The following RORA variants were observed in gnomAD, a reference collection of about 807,000 sequenced individuals.
RORA encodes the protein RAR related orphan receptor A.
RORA carries 7 observed loss-of-function variants against 69.5 expected under a neutral mutation model. The ratio of observed to expected loss-of-function variants is 0.10; its 90% CI spans 0.06 to 0.19. The LOEUF (loss-of-function observed/expected upper bound fraction) is 0.19, where lower values mean the gene tolerates loss of function less well. RORA is among the 10% of genes least tolerant of loss of function. The pLI is 1.00. For synonymous variants in RORA, 261 were observed against 240.8 expected (o/e 1.08, Z -0.78); for missense variants, 457 against 663.0 (o/e 0.69, Z 3.41).
At chr15:60,628,454 C>A (rs1223893965) in intron 2 of RORA, among the ~76,000 whole-genome samples, 1 of 152,204 alleles carries the variant, frequency 6.6e-6, no homozygotes, top group Non-Finnish European at 1.5e-5. Context: ...CTGCCTCAAA[C>A]TCCTGGGCTC....
chr15:60,544,191 A>C (rs565114419), intron 2 of RORA, among the ~76,000 whole-genome samples: 14 of 152,300 alleles, frequency 9.2e-5, no homozygotes, highest in African/African-American at 3.1e-4. Flanking sequence ...TGCACTACAT[A>C]ATCTTCCAGA....
chr15:61,100,325 G>A (rs2078861206), intron 1 of RORA, among the ~76,000 whole-genome samples: 1 of 152,016 alleles, frequency 6.6e-6, no homozygotes, highest in African/African-American at 2.4e-5. Context: ...TTGCCATGTT[G>A]GCCAGGCTGG....
chr15:61,119,815 G>A (rs945400729), intron 1 of RORA, among the ~76,000 whole-genome samples: 4 of 152,234 alleles, frequency 2.6e-5, no homozygotes, highest in Non-Finnish European at 5.9e-5. Flanking sequence ...CTGGGGACAT[G>A]AAATTCCAGT....
At chr15:60,518,458 T>C (rs1157897609) in intron 3 of RORA, among the ~76,000 whole-genome samples, 1 of 152,238 alleles carries the variant, frequency 6.6e-6, no homozygotes, top group African/African-American at 2.4e-5. Flanking sequence ...CTTCGGGCTT[T>C]GCAGACACTG....
chr15:60,808,377 T>C (rs1388382881), intron 1 of RORA, among the ~76,000 whole-genome samples: 1 of 152,114 alleles, frequency 6.6e-6, no homozygotes, highest in East Asian at 1.9e-4. Flanking sequence ...ACTTCACTCC[T>C]GCAAGAATGG....
chr15:61,165,639 G>A (rs2079534507), intron 1 of RORA, among the ~76,000 whole-genome samples: 1 of 152,174 alleles, frequency 6.6e-6, no homozygotes, highest in Non-Finnish European at 1.5e-5. Flanking sequence ...GGGAACCTGA[G>A]GGTTCTGTGG....
intron 1 of RORA, among the ~76,000 whole-genome samples, chr15:61,108,108 G>A (rs1368585353): frequency 6.6e-6 from 1 of 152,136 alleles, no homozygotes; most frequent in Non-Finnish European, 1.5e-5. Flanking sequence ...AAATGTCCAT[G>A]GGATAGTTTA....
At chr15:60,837,578 T>C (rs559148189) in intron 1 of RORA, among the ~76,000 whole-genome samples, 9 of 152,176 alleles carry the variant, frequency 5.9e-5, no homozygotes, top group Admixed American at 1.3e-4. Context: ...CTGCCTTCCA[T>C]GGGGAGCCTG....
At chr15:60,926,240 G>C (rs1179596886) in intron 1 of RORA, among the ~76,000 whole-genome samples, 1 of 152,194 alleles carries the variant, frequency 6.6e-6, no homozygotes, top group Non-Finnish European at 1.5e-5. Context: ...TCAATCCAAT[G>C]ACATTTGGAA....
At chr15:60,688,983 C>T (rs2070785088) in intron 1 of RORA, among the ~76,000 whole-genome samples, 1 of 152,152 alleles carries the variant, frequency 6.6e-6, no homozygotes, top group South Asian at 2.1e-4. Flanking sequence ...GGAGTGAGCC[C>T]TTTCATCAGG....
rs1018342685 is a variant in RORA, at chr15:61,059,470, T to C, written c.166+169583A>G. Among the ~76,000 whole-genome samples, 3 of 152,258 alleles carry C rather than the reference T, an allele frequency of 2.0e-5. No homozygotes were observed. In the East Asian group the frequency reaches 5.8e-4, roughly 29 times the overall value. On this transcript the variant is annotated intron_variant, in intron 1 of 10. Coordinates refer to ENST00000335670, the MANE Select transcript of RORA (RefSeq NM_134261.3). Reference sequence around the variant, plus strand: ...AAGTTCCCTGAGTAGCATAGAGTTATTCAAATGTACCTATTTATTACAAGA... The same window carrying C: ...AAGTTCCCTGAGTAGCATAGAGTTACTCAAATGTACCTATTTATTACAAGA...
intron 1 of RORA, among the ~76,000 whole-genome samples, chr15:60,995,970 C>T (rs1356403472): frequency 6.6e-6 from 1 of 151,976 alleles, no homozygotes; most frequent in East Asian, 1.9e-4. Context: ...CTTGTTTATG[C>T]ATTGATAAAT....
At chr15:60,851,471 A>T (rs2073323891) in intron 1 of RORA, among the ~76,000 whole-genome samples, 1 of 152,148 alleles carries the variant, frequency 6.6e-6, no homozygotes, top group African/African-American at 2.4e-5. Flanking sequence ...AGGACATGTG[A>T]GGTCCCAGGG....
intron 1 of RORA, among the ~76,000 whole-genome samples, chr15:61,125,013 G>T (rs2079131645): frequency 6.6e-6 from 1 of 152,178 alleles, no homozygotes; most frequent in African/African-American, 2.4e-5. Flanking sequence ...GTGTGTGTTT[G>T]GAAAGGGAGG....
At chr15:61,003,194 A>T (rs1316359285) in intron 1 of RORA, among the ~76,000 whole-genome samples, 1 of 152,108 alleles carries the variant, frequency 6.6e-6, no homozygotes, top group African/African-American at 2.4e-5. Context: ...AACATTCTGT[A>T]TCAATCTATG....
At chr15:60,872,261 G>T (rs2073565567) in intron 1 of RORA, among the ~76,000 whole-genome samples, 1 of 152,054 alleles carries the variant, frequency 6.6e-6, no homozygotes, top group Admixed American at 6.6e-5. Context: ...CTCTCACAGG[G>T]GTATTAGGAA....
intron 1 of RORA, among the ~76,000 whole-genome samples, chr15:60,776,614 G>A: frequency 6.6e-6 from 1 of 152,172 alleles, no homozygotes; most frequent in East Asian, 1.9e-4. Context: ...GCACTAAAAG[G>A]GTAAGAAGCT....
At chr15:61,027,367 A>G (rs1313358914) in intron 1 of RORA, among the ~76,000 whole-genome samples, 1 of 152,210 alleles carries the variant, frequency 6.6e-6, no homozygotes, top group African/African-American at 2.4e-5. Flanking sequence ...GCCCATTAAC[A>G]CAGAAGAAGT....
At chr15:61,166,388 G>A (rs1160925614) in intron 1 of RORA, among the ~76,000 whole-genome samples, 1 of 152,084 alleles carries the variant, frequency 6.6e-6, no homozygotes, top group Non-Finnish European at 1.5e-5. Flanking sequence ...TTAGAGAGGA[G>A]GGCCCAGGGA....
Sources: gnomAD v4.1 joint callset for allele counts (sites outside exome capture counted in the v4.1 genomes callset) on GRCh38, gnomAD v4.1.1 for gene constraint, MANE v1.5 for transcripts, NCBI Gene and HGNC (gene_info 2026-07-23, HGNC 2026-07-21) for gene names.